RALA: variants seen among roughly 807,000 people sequenced by gnomAD.
RALA encodes the protein ras-related protein Ral-A.
RALA carries 5 observed loss-of-function variants against 24.0 expected under a neutral mutation model. That is an observed-to-expected ratio of 0.21 (90% CI 0.11 to 0.44). The LOEUF is 0.44. Ranked by LOEUF, RALA falls within the 20% of genes least tolerant of loss-of-function variation. The pLI, the probability that RALA is intolerant of heterozygous loss-of-function variation, is 0.99. For synonymous variants in RALA, 77 were observed against 83.8 expected (o/e 0.92, Z 0.44); for missense variants, 95 against 241.2 (o/e 0.39, Z 4.01).
At chr7:39,664,205 C>T (rs916904511) in intron 1 of RALA, among the ~76,000 whole-genome samples, 1 of 152,170 alleles carries the variant, frequency 6.6e-6, no homozygotes, top group Non-Finnish European at 1.5e-5. Context: ...TGTGCAAGTG[C>T]AGTCGGGTTT....
At chr7:39,680,297 G>A (rs568207076) in intron 1 of RALA, among the ~76,000 whole-genome samples, 1 of 151,870 alleles carries the variant, frequency 6.6e-6, no homozygotes, top group East Asian at 1.9e-4. Flanking sequence ...TGAACCTGGG[G>A]TTGGTGAGGC....
chr7:39,674,503 C>T (rs1792444977), intron 1 of RALA, among the ~76,000 whole-genome samples: 1 of 151,998 alleles, frequency 6.6e-6, no homozygotes, highest in African/African-American at 2.4e-5. Context: ...ATTCTTTGCC[C>T]CATATTCATG....
At chr7:39,626,022 A>G (rs1791479403) in intron 1 of RALA, among the ~76,000 whole-genome samples, 1 of 152,182 alleles carries the variant, frequency 6.6e-6, no homozygotes, top group South Asian at 2.1e-4. Flanking sequence ...GAGGCTGTGA[A>G]TGTTAATGAG....
chr7:39,660,978 C>T (rs1172863469), intron 1 of RALA, among the ~76,000 whole-genome samples: 2 of 152,112 alleles, frequency 1.3e-5, no homozygotes, highest in Non-Finnish European at 2.9e-5. Context: ...TTAATGGACT[C>T]AAACTTTTCC....
chr7:39,680,499 C>A (rs1792573821), intron 1 of RALA, among the ~76,000 whole-genome samples: 1 of 150,998 alleles, frequency 6.6e-6, no homozygotes, highest in Non-Finnish European at 1.5e-5. Context: ...TCACATGAAC[C>A]CAGGAGGCAG....
At chr7:39,665,929 C>T (rs1792280640) in intron 1 of RALA, among the ~76,000 whole-genome samples, 2 of 151,886 alleles carry the variant, frequency 1.3e-5, no homozygotes, top group Admixed American at 6.6e-5. Flanking sequence ...TCAATTTTCT[C>T]ACCTATAAAA....
At chr7:39,626,927 A>T (rs547588900) in intron 1 of RALA, among the ~76,000 whole-genome samples, 6 of 152,270 alleles carry the variant, frequency 3.9e-5, no homozygotes, top group South Asian at 4.1e-4. Flanking sequence ...TGGGTTTAAG[A>T]TGGAGGCTTA....
chr7:39,674,042 T>TAAAAA (rs367907893), intron 1 of RALA, among the ~76,000 whole-genome samples: 8 of 90,760 alleles, frequency 8.8e-5, no homozygotes, highest in Admixed American at 3.7e-4. Context: ...GCATGCACTG[T>TAAAAA]AAATAAATAA....
chr7:39,699,120 T>TC (rs1792971321), intron 4 of RALA, among the ~76,000 whole-genome samples: 1 of 129,504 alleles, frequency 7.7e-6, no homozygotes, highest in Non-Finnish European at 1.5e-5. Flanking sequence ...CTAAAAATGT[T>TC]ATTTTTTTTT....
intron 1 of RALA, among the ~76,000 whole-genome samples, chr7:39,639,374 T>TC (rs1791740974): frequency 2.0e-5 from 3 of 152,090 alleles, no homozygotes; most frequent in Admixed American, 2.0e-4. Context: ...AAAGTGAAAA[T>TC]TGTAAGGAGA....
intron 1 of RALA, among the ~76,000 whole-genome samples, chr7:39,684,463 G>T (rs1419320856): frequency 6.6e-6 from 1 of 152,040 alleles, no homozygotes; most frequent in Admixed American, 6.6e-5. Flanking sequence ...GCAGGCATAT[G>T]GGAATGATTT....
intron 2 of RALA, among the ~76,000 whole-genome samples, chr7:39,687,146 C>T (rs1792719354): frequency 2.6e-5 from 4 of 152,004 alleles, no homozygotes; most frequent in Admixed American, 2.6e-4. Context: ...ATCTTTTAGG[C>T]TGGGCACGCA....
At chr7:39,642,656 C>T (rs996416940) in intron 1 of RALA, among the ~76,000 whole-genome samples, 3 of 152,192 alleles carry the variant, frequency 2.0e-5, no homozygotes, top group Non-Finnish European at 4.4e-5. Context: ...AAATCTGCTT[C>T]ATTTTTGGAT....
intron 1 of RALA, among the ~76,000 whole-genome samples, chr7:39,673,867 G>A (rs1249084300): frequency 5.3e-5 from 8 of 151,948 alleles, no homozygotes; most frequent in African/African-American, 1.9e-4. Flanking sequence ...GGGTTGGCCA[G>A]ACCTAGTGGC....
intron 1 of RALA, among the ~76,000 whole-genome samples, chr7:39,641,115 G>A: frequency 6.6e-6 from 1 of 152,110 alleles, no homozygotes; most frequent in Non-Finnish European, 1.5e-5. Context: ...ATTTAGTCCT[G>A]TTGTGATGGG....
intron 1 of RALA, among the ~76,000 whole-genome samples, chr7:39,665,838 TA>T (rs1377041889): frequency 1.3e-5 from 2 of 152,098 alleles, no homozygotes; most frequent in African/African-American, 4.8e-5. Context: ...GGCAAACACT[TA>T]GGATGTGAAT....
intron 1 of RALA, among the ~76,000 whole-genome samples, chr7:39,677,158 A>C (rs1184281974): frequency 6.6e-6 from 1 of 152,244 alleles, no homozygotes; most frequent in African/African-American, 2.4e-5. Flanking sequence ...GGGATGCCCC[A>C]GGCTCTAGAA....
intron 4 of RALA, among the ~76,000 whole-genome samples, chr7:39,701,966 G>A (rs1468512296): frequency 6.6e-6 from 1 of 152,196 alleles, no homozygotes; most frequent in Non-Finnish European, 1.5e-5. Context: ...GGTTGCTCTT[G>A]ATTTTAAGGA....
intron 1 of RALA, among the ~76,000 whole-genome samples, chr7:39,665,530 T>C (rs1203296339): frequency 6.6e-6 from 1 of 152,116 alleles, no homozygotes; most frequent in Non-Finnish European, 1.5e-5. Context: ...CCCTGTGTTA[T>C]CCAAGAGTCG....
Sources: gnomAD v4.1 joint callset for allele counts (sites outside exome capture counted in the v4.1 genomes callset) on GRCh38, gnomAD v4.1.1 for gene constraint, MANE v1.5 for transcripts, NCBI Gene and HGNC (gene_info 2026-07-23, HGNC 2026-07-21) for gene names.